Variants in PRDM5 observed in about 807,000 individuals in gnomAD.
PRDM5 encodes the protein PR/SET domain 5.
In PRDM5, 56 loss-of-function variants were observed where a neutral mutation model predicts 81.2. That is an observed-to-expected ratio of 0.69 (90% CI 0.56 to 0.86). The LOEUF is 0.86. Among genes scored for constraint, PRDM5 ranks in the 40% least tolerant of loss-of-function variants. PRDM5 has a pLI of 0.00. For missense variants in PRDM5, 697 were observed against 770.1 expected (o/e 0.91, Z 1.12); for synonymous variants, 267 against 256.4 (o/e 1.04, Z -0.39).
At chr4:120,825,456 T>C (rs1301421222) in intron 3 of PRDM5, among the ~76,000 whole-genome samples, 2 of 152,122 alleles carry the variant, frequency 1.3e-5, no homozygotes, top group Admixed American at 6.6e-5. Context: ...GACATCCAGC[T>C]CATTACCTTG....
chr4:120,814,772 G>T (rs1327276174), intron 7 of PRDM5, among the ~76,000 whole-genome samples: 1 of 152,194 alleles, frequency 6.6e-6, no homozygotes, highest in Non-Finnish European at 1.5e-5. Context: ...GGAGAAGCAA[G>T]AGACATACTG....
chr4:120,918,053 A>C (rs1724420284), intron 1 of PRDM5, among the ~76,000 whole-genome samples: 1 of 152,040 alleles, frequency 6.6e-6, no homozygotes, highest in Non-Finnish European at 1.5e-5. Flanking sequence ...TGTCTCTGTC[A>C]CTCGCTTTTC....
chr4:120,781,288 T>A lies in PRDM5; in HGVS notation c.1298A>T (p.Lys433Met), dbSNP rs763891674. ...AAAGGTAGCATCGCAGTGATGGCAC[T>A]TGAAAGTCCTCTCACCTTAGAAACA... ...LLIHNSERTF[K>M]CHHCDATFKR... The change falls in exon 12 of 16, where the codon AAG becomes ATG. Residue 433 changes from lysine to methionine, a missense_variant. Physicochemically the swap from Lys to Met is moderately conservative, Grantham distance 95. Coordinates refer to ENST00000264808, the MANE Select transcript of PRDM5 (RefSeq NM_018699.4). 6.2e-7 allele frequency: 1 copy of A among 1,613,034 alleles called. No homozygotes were observed. Among genetic ancestry groups the A allele is most frequent in the Admixed American group, 1.7e-5 (1 of 59,916 alleles).
chr4:120,868,876 C>T (rs541400725), intron 2 of PRDM5, among the ~76,000 whole-genome samples: 1 of 152,144 alleles, frequency 6.6e-6, no homozygotes, highest in Admixed American at 6.5e-5. Flanking sequence ...CAGTCTCTTC[C>T]ATACTTATGA....
rs924392395 is a variant in PRDM5 at position 120,858,393 on chromosome 4, C to T, written c.178-4853G>A. On this transcript the variant is annotated intron_variant, in intron 2 of 15. Coordinates refer to ENST00000264808, the MANE Select transcript of PRDM5 (RefSeq NM_018699.4). The stretch of plus-strand genomic sequence containing the variant: ...GCTCAAGTAGTCAATTCTGACGGCA[C>T]ATTGTTTGTCAGATTTAAACCAAAG... Among the ~76,000 whole-genome samples the T allele has an allele frequency of 2.0e-5, 3 of 148,824 alleles. No individual in the cohort carries two copies. In the Admixed American group the frequency reaches 2.0e-4, roughly 10 times the overall value.
At chr4:120,703,648 A>G (rs1329397803) in intron 15 of PRDM5, among the ~76,000 whole-genome samples, 2 of 152,130 alleles carry the variant, frequency 1.3e-5, no homozygotes, top group Non-Finnish European at 2.9e-5. Flanking sequence ...AGCAATTTCT[A>G]AATATTAACT....
chr4:120,770,916 CAT>C (rs1747186940), intron 13 of PRDM5, among the ~76,000 whole-genome samples: 1 of 128,658 alleles, frequency 7.8e-6, no homozygotes, highest in African/African-American at 2.8e-5. Flanking sequence ...ATATTTATAA[CAT>C]ATAGAAATAA....
intron 13 of PRDM5, among the ~76,000 whole-genome samples, chr4:120,761,010 A>G (rs1745529378): frequency 6.6e-6 from 1 of 152,236 alleles, no homozygotes; most frequent in South Asian, 2.1e-4. Flanking sequence ...AGGCAAAATA[A>G]CTGAATAAAT....
intron 2 of PRDM5, among the ~76,000 whole-genome samples, chr4:120,902,297 C>G (rs1158422253): frequency 6.6e-6 from 1 of 152,130 alleles, no homozygotes; most frequent in African/African-American, 2.4e-5. Context: ...AAGCACAGAG[C>G]CAGTGCCTGG....
At chr4:120,910,101 T>C (rs1766334866) in intron 1 of PRDM5, among the ~76,000 whole-genome samples, 1 of 152,012 alleles carries the variant, frequency 6.6e-6, no homozygotes, top group Non-Finnish European at 1.5e-5. Context: ...ACCCACTAAA[T>C]TAATTACAGA....
chr4:120,898,330 C>T (rs1037983009), intron 2 of PRDM5, among the ~76,000 whole-genome samples: 4 of 152,186 alleles, frequency 2.6e-5, no homozygotes, highest in Non-Finnish European at 5.9e-5. Flanking sequence ...TGCCACGCAG[C>T]TTCATAATTC....
intron 15 of PRDM5, among the ~76,000 whole-genome samples, chr4:120,710,009 A>G (rs1455600774): frequency 6.6e-6 from 1 of 152,214 alleles, no homozygotes; most frequent in Non-Finnish European, 1.5e-5. Flanking sequence ...GCCTCAAATC[A>G]TCATGCTTTT....
chr4:120,804,675 A>T (rs1394590356), intron 8 of PRDM5, among the ~76,000 whole-genome samples: 1 of 152,238 alleles, frequency 6.6e-6, no homozygotes, highest in Non-Finnish European at 1.5e-5. Flanking sequence ...ACAACATACC[A>T]GAATCTCTGG....
chr4:120,918,383 C>T (rs886927424), intron 1 of PRDM5, among the ~76,000 whole-genome samples: 1 of 152,084 alleles, frequency 6.6e-6, no homozygotes, highest in African/African-American at 2.4e-5. Flanking sequence ...AGATTTTTAG[C>T]CCTAGGATAC....
chr4:120,689,322 A>C (rs1044986590), downstream of PRDM5, among the ~76,000 whole-genome samples: 1 of 152,198 alleles, frequency 6.6e-6, no homozygotes, highest in Non-Finnish European at 1.5e-5. Context: ...GTTATACTGC[A>C]GCTGAAACAA....
At chr4:120,786,548 G>A (rs972731955) in intron 10 of PRDM5, among the ~76,000 whole-genome samples, 4 of 152,142 alleles carry the variant, frequency 2.6e-5, no homozygotes, top group Non-Finnish European at 5.9e-5. Context: ...CAAAAGTAAT[G>A]TTGGATCTAC....
intron 3 of PRDM5, among the ~76,000 whole-genome samples, chr4:120,823,363 G>A (rs1174075051): frequency 6.6e-6 from 1 of 152,072 alleles, no homozygotes; most frequent in Admixed American, 6.5e-5. Flanking sequence ...TGAAAGTAAT[G>A]GCAGCATTCC....
intron 2 of PRDM5, among the ~76,000 whole-genome samples, chr4:120,880,407 G>A (rs910320615): frequency 2.0e-5 from 3 of 152,090 alleles, no homozygotes; most frequent in Admixed American, 2.0e-4. Flanking sequence ...GACATATAAT[G>A]TAAACCACAT....
intron 2 of PRDM5, among the ~76,000 whole-genome samples, chr4:120,873,585 CAA>C (rs1762060081): frequency 6.6e-6 from 1 of 152,216 alleles, no homozygotes; most frequent in Non-Finnish European, 1.5e-5. Context: ...TCACTCAAAT[CAA>C]AAGTCATTAT....
Sources: allele counts gnomAD v4.1 joint callset (sites outside exome capture counted in the v4.1 genomes callset), GRCh38; gene constraint gnomAD v4.1.1; transcripts MANE v1.5; gene names NCBI Gene and HGNC (gene_info 2026-07-23, HGNC 2026-07-21).